The following DMD variants were observed in gnomAD, a reference collection of about 807,000 sequenced individuals.
DMD encodes the protein mutant dystrophin.
DMD carries 63 observed loss-of-function variants against 330.1 expected under a neutral mutation model. That is an observed-to-expected ratio of 0.19 (90% CI 0.16 to 0.24). DMD has a LOEUF of 0.24. Among genes scored for constraint, DMD ranks in the 10% least tolerant of loss-of-function variants. DMD has a pLI of 1.00. For synonymous variants in DMD, 1,223 were observed against 959.8 expected (o/e 1.27, Z -5.07); for missense variants, 3,344 against 2,684.1 (o/e 1.25, Z -5.43).
rs762640285 is a variant in DMD, at chrX:32,755,174, CATA to C, written c.649+54316_649+54318del. 6.4e-4 allele frequency among the ~76,000 whole-genome samples: 71 copies of C among 110,643 alleles called. 3 individuals carry two copies. In the East Asian group the frequency reaches 0.019, roughly 30 times the overall value. On this transcript the variant is annotated intron_variant, in intron 7 of 78. Transcript: ENST00000357033. ...AGGACAATGTCTTTTTCCTTTATAA[CATA>C]ATGAGGAGAGCTCAATAATGAAAGC...
At chrX:32,348,318 G>T in intron 38 of DMD, 88 bp downstream of exon 38, 1 of 965,109 alleles carries the variant, frequency 1.0e-6, no homozygotes, top group Non-Finnish European at 1.5e-6. Flanking sequence ...TATGTGCTCT[G>T]AAAATTCAGT....
chrX:32,730,810 T>A (rs949749363), intron 7 of DMD, among the ~76,000 whole-genome samples: 1 of 111,299 alleles, frequency 9.0e-6, no homozygotes, highest in Non-Finnish European at 1.9e-5. Context: ...ATACAGAAAA[T>A]TTTCAGCCAT....
At chrX:32,718,691 A>T (rs1363531473) in intron 7 of DMD, among the ~76,000 whole-genome samples, 1 of 112,144 alleles carries the variant, frequency 8.9e-6, no homozygotes, top group African/African-American at 3.2e-5. Flanking sequence ...TAAGAAAAGG[A>T]AGAACAAAGA....
intron 44 of DMD, among the ~76,000 whole-genome samples, chrX:32,090,763 G>T (rs1009593594): frequency 5.6e-5 from 6 of 107,398 alleles, no homozygotes; most frequent in African/African-American, 6.7e-5. Context: ...TGAATTTTGG[G>T]TTTTTTTTTT....
chrX:32,322,121 G>A (rs1365323517), intron 41 of DMD, among the ~76,000 whole-genome samples: 1 of 110,694 alleles, frequency 9.0e-6, no homozygotes, highest in Admixed American at 9.7e-5. Context: ...ACAGATCTAA[G>A]ATACCTATTA....
At chrX:32,330,010 T>A (rs750174249) in intron 41 of DMD, among the ~76,000 whole-genome samples, 1 of 112,442 alleles carries the variant, frequency 8.9e-6, no homozygotes, top group Admixed American at 9.4e-5. Context: ...TTAGGAATTT[T>A]AAAAACTGCT....
At chrX:31,600,131 C>T (rs939876955) in intron 55 of DMD, among the ~76,000 whole-genome samples, 1 of 111,580 alleles carries the variant, frequency 9.0e-6, no homozygotes, top group African/African-American at 3.3e-5. Context: ...TGGGGTTTCA[C>T]CATGTTGCCC....
intron 20 of DMD, among the ~76,000 whole-genome samples, chrX:32,489,587 C>T (rs2042800979): frequency 1.8e-5 from 2 of 111,291 alleles, no homozygotes; most frequent in Admixed American, 1.9e-4. Flanking sequence ...CTAGAACTCT[C>T]AGAAAATAAA....
chrX:32,595,219 G>A (rs1166105499), intron 13 of DMD, among the ~76,000 whole-genome samples: 1 of 111,327 alleles, frequency 9.0e-6, no homozygotes, highest in South Asian at 3.8e-4. Context: ...AGAAATAAAG[G>A]CAGAAAATAA....
At chrX:33,232,672 C>G (rs1246137182) in intron 1 of DMD, among the ~76,000 whole-genome samples, 3 of 111,237 alleles carry the variant, frequency 2.7e-5, no homozygotes, top group Non-Finnish European at 5.7e-5. Flanking sequence ...GGGCAGATCA[C>G]TTGAGGTCAG....
intron 37 of DMD, among the ~76,000 whole-genome samples, chrX:32,358,562 CTT>C (rs1253158176): frequency 8.9e-6 from 1 of 111,937 alleles, no homozygotes; most frequent in Non-Finnish European, 1.9e-5. Flanking sequence ...ATTGGATACT[CTT>C]AGGTAACCTT....
intron 7 of DMD, among the ~76,000 whole-genome samples, chrX:32,707,100 TA>T (rs3838946): frequency 0.13 from 14,085 of 107,692 alleles, 2,294 homozygotes; most frequent in African/African-American, 0.44. Flanking sequence ...TCGGAGGGGG[TA>T]AAAAAAAATC....
At chrX:32,876,864 C>G (rs2083424754) in intron 2 of DMD, among the ~76,000 whole-genome samples, 1 of 112,279 alleles carries the variant, frequency 8.9e-6, no homozygotes, top group Admixed American at 9.5e-5. Flanking sequence ...ACTACTTACA[C>G]TATTACTTTA....
chrX:32,809,368 T>A, intron 7 of DMD, 125 bp downstream of exon 7: 1 of 568,738 alleles, frequency 1.8e-6, no homozygotes, highest in South Asian at 2.5e-5. Flanking sequence ...ACATTTTAAA[T>A]ATATCTACAG....
At chrX:32,776,076 AG>A (rs942733693) in intron 7 of DMD, among the ~76,000 whole-genome samples, 1 of 111,786 alleles carries the variant, frequency 8.9e-6, no homozygotes, top group Non-Finnish European at 1.9e-5. Flanking sequence ...ACAGATGTCT[AG>A]GGAAGGGGCA....
At chrX:32,631,972 C>T (rs1232688414) in intron 11 of DMD, among the ~76,000 whole-genome samples, 1 of 111,270 alleles carries the variant, frequency 9.0e-6, no homozygotes, top group Non-Finnish European at 1.9e-5. Flanking sequence ...AACAGTCCCC[C>T]AAGGTCTTTA....
intron 1 of DMD, among the ~76,000 whole-genome samples, chrX:33,172,868 GACAGATCAC>G (rs2049429207): frequency 1.8e-5 from 2 of 111,241 alleles, no homozygotes; most frequent in Non-Finnish European, 3.8e-5. Context: ...AAGACTAGGT[GACAGATCAC>G]ATATATTGAG....
intron 1 of DMD, among the ~76,000 whole-genome samples, chrX:33,151,387 T>C (rs1336628718): frequency 8.9e-6 from 1 of 112,896 alleles, no homozygotes; most frequent in Non-Finnish European, 1.9e-5. Flanking sequence ...ATATTATTTC[T>C]GCTTTTCTTC....
chrX:32,483,243 T>A (rs770710503), intron 21 of DMD, among the ~76,000 whole-genome samples: 26 of 99,501 alleles, frequency 2.6e-4, no homozygotes, highest in African/African-American at 8.5e-4. Flanking sequence ...TAAAGATGTG[T>A]AGCTACAGTG....
Sources: gnomAD v4.1 joint callset for allele counts (sites outside exome capture counted in the v4.1 genomes callset) on GRCh38, gnomAD v4.1.1 for gene constraint, MANE v1.5 for transcripts, NCBI Gene and HGNC (gene_info 2026-07-23, HGNC 2026-07-21) for gene names.